Variants in HACL1 observed in about 807,000 individuals in gnomAD.
The protein encoded by HACL1 is 2-hydroxyacyl-CoA lyase 1.
HACL1 carries 64 observed loss-of-function variants against 74.2 expected under a neutral mutation model. That is an observed-to-expected ratio of 0.86 (90% CI 0.70 to 1.06). The LOEUF is 1.06. HACL1 is among the 50% of genes least tolerant of loss of function. The probability of loss-of-function intolerance (pLI) is 0.00; values close to 1 mark genes in which losing one functional copy is unlikely to be tolerated. For missense variants in HACL1, 728 were observed against 719.7 expected (o/e 1.01, Z -0.13); for synonymous variants, 230 against 238.8 (o/e 0.96, Z 0.34).
rs1029297790 is a variant in HACL1 at position 15,601,224 on chromosome 3, C to G, written c.82-30G>C. 2.6e-6 allele frequency: 4 copies of G among 1,567,016 alleles called. No homozygotes were observed. The African/African-American group carries it at 5.4e-5, about 21-fold the overall frequency. On this transcript the variant is annotated intron_variant, in intron 1 of 16. Transcript: ENST00000321169. ...GGAACGAAGAACAGGGGAGTAAACTCCCAAGGCCCCACCATATCGCCACAT... is the reference window on the plus strand; with the variant it reads ...GGAACGAAGAACAGGGGAGTAAACTGCCAAGGCCCCACCATATCGCCACAT...
At chr3:15,560,969 T>C in intron 16 of HACL1, 72 bp from the exon 17 acceptor site, 1 of 1,178,864 alleles carries the variant, frequency 8.5e-7, no homozygotes, top group Non-Finnish European at 1.3e-6. Context: ...ATTGTTTCAC[T>C]TGTTCTAAAA....
chr3:15,566,595 G>A (rs2063437444), intron 14 of HACL1, among the ~76,000 whole-genome samples: 1 of 152,092 alleles, frequency 6.6e-6, no homozygotes, highest in African/African-American at 2.4e-5. Flanking sequence ...GGTTGACGCT[G>A]CGGTGAGCCG....
chr3:15,568,620 T>A (rs1171283495), intron 12 of HACL1, 34 bp from the exon 13 acceptor site: 1 of 1,212,486 alleles, frequency 8.2e-7, no homozygotes, highest in African/African-American at 1.5e-5. Flanking sequence ...TCAAATTAAA[T>A]TGGGATACAA....
intron 3 of HACL1, among the ~76,000 whole-genome samples, chr3:15,592,458 G>C (rs1333863371): frequency 9.2e-6 from 1 of 108,870 alleles, no homozygotes; most frequent in Admixed American, 9.7e-5. Flanking sequence ...ATACACACAC[G>C]TATACATACA....
Position 15,589,620 on chromosome 3 carries a change from A to C in HACL1, c.309-8T>G, listed in dbSNP as rs1191506563. ...CCAATCACAAGCAAGGGCCTGAAAC[A>C]ATCATTTTTTTAACAAGATAATTAC... On this transcript the variant is annotated splice_polypyrimidine_tract_variant and splice_region_variant and intron_variant, in intron 4 of 16. Coordinates refer to ENST00000321169, the MANE Select transcript of HACL1 (RefSeq NM_012260.4). The C allele has an allele frequency of 1.9e-6, 3 of 1,578,106 alleles. No homozygotes were observed. Among genetic ancestry groups the C allele is most frequent in the Admixed American group, 3.4e-5 (2 of 58,882 alleles).
intron 5 of HACL1, among the ~76,000 whole-genome samples, chr3:15,588,493 T>A (rs2063830626): frequency 6.6e-6 from 1 of 151,828 alleles, no homozygotes; most frequent in Non-Finnish European, 1.5e-5. Context: ...CTTAGGAGGC[T>A]GAGGTGGGAG....
chr3:15,579,792 G>A, intron 9 of HACL1, 118 bp downstream of exon 9: 2 of 708,568 alleles, frequency 2.8e-6, no homozygotes, highest in East Asian at 2.7e-5. Flanking sequence ...AAATAAACAG[G>A]TATGCTTAAA....
chr3:15,575,122 T>C (rs2063601162), intron 9 of HACL1, 40 bp from the exon 10 acceptor site: 1 of 999,720 alleles, frequency 1.0e-6, no homozygotes, highest in Non-Finnish European at 1.6e-6. Flanking sequence ...CTACATTTCT[T>C]ATTTGAATTA....
chr3:15,591,096 A>T (rs1413466218), intron 4 of HACL1, among the ~76,000 whole-genome samples: 2 of 152,316 alleles, frequency 1.3e-5, no homozygotes, highest in East Asian at 3.9e-4. Context: ...GAAAGTGTTT[A>T]TCTCTAAGTA....
intron 3 of HACL1, among the ~76,000 whole-genome samples, chr3:15,594,297 T>C (rs1181488024): frequency 6.6e-6 from 1 of 152,068 alleles, no homozygotes; most frequent in African/African-American, 2.4e-5. Flanking sequence ...TGCCAGCTAC[T>C]TGGGAGGCTG....
At chr3:15,597,294 C>T (rs1191296608) in intron 2 of HACL1, among the ~76,000 whole-genome samples, 1 of 152,058 alleles carries the variant, frequency 6.6e-6, no homozygotes, top group Non-Finnish European at 1.5e-5. Flanking sequence ...ACTTTACTTC[C>T]ACATGGTCAG....
intron 14 of HACL1, 76 bp downstream of exon 14, chr3:15,567,768 G>A (rs1201801297): frequency 7.5e-7 from 1 of 1,337,624 alleles, no homozygotes; most frequent in Non-Finnish European, 1.1e-6. Context: ...ATAAGTATTT[G>A]TCAGGTGACT....
In HACL1 at chr3:15,560,800, T is replaced by C. The variant is rs2063333927; in HGVS notation, c.*65A>G. Reference sequence around the variant, plus strand: ...AATTTTAACAGTAGAGTAATTTTGCTGTGGAAAATAAAATTTCATCTTGCA... The same window carrying C: ...AATTTTAACAGTAGAGTAATTTTGCCGTGGAAAATAAAATTTCATCTTGCA... On this transcript the variant is annotated 3_prime_UTR_variant, in exon 17 of 17. Coordinates refer to ENST00000321169, the MANE Select transcript of HACL1 (RefSeq NM_012260.4). 9.4e-7 allele frequency: 1 copy of C among 1,059,552 alleles called. No homozygotes were observed. Among genetic ancestry groups the C allele is most frequent in the Admixed American group, 1.9e-5 (1 of 52,750 alleles). The allele number at this position is 1,059,552 out of a possible 1,614,324, so 65.6% of individuals were successfully genotyped here.
At chr3:15,592,218 A>G (rs1207570230) in intron 3 of HACL1, among the ~76,000 whole-genome samples, 2 of 150,532 alleles carry the variant, frequency 1.3e-5, no homozygotes, top group African/African-American at 4.9e-5. Context: ...GCGTGTATAT[A>G]TGTATACATA....
Position 15,567,908 on chromosome 3 carries a change from TC to T in HACL1, c.1344del (p.Trp448Ter), listed in dbSNP as rs746103861. The T allele has an allele frequency of 6.2e-7, 1 of 1,614,112 alleles. No homozygotes were observed. Among genetic ancestry groups the T allele is most frequent in the Non-Finnish European group, 8.5e-7 (1 of 1,179,914 alleles). ...VVAKDRSPGQ[W>X]IICVEGDSAF... ...GCACTGTCTCCTTCCACACAGATGA[TC>T]CATTGCCCAGGGCTTCTATCTTTAG... On this transcript the variant is annotated frameshift_variant, in exon 14 of 17. Coordinates refer to ENST00000321169, the MANE Select transcript of HACL1 (RefSeq NM_012260.4). LOFTEE classifies it high-confidence loss of function.
At chr3:15,570,230 G>A (rs1160218247) in intron 12 of HACL1, among the ~76,000 whole-genome samples, 1 of 151,710 alleles carries the variant, frequency 6.6e-6, no homozygotes, top group African/African-American at 2.4e-5. Flanking sequence ...AGCTACTTGG[G>A]AGGCTGATGC....
intron 2 of HACL1, among the ~76,000 whole-genome samples, chr3:15,597,565 C>A (rs1447854526): frequency 6.7e-6 from 1 of 149,398 alleles, no homozygotes; most frequent in African/African-American, 2.6e-5. Context: ...TATTTCCTAG[C>A]CTTCATTCAG....
chr3:15,592,509 T>C lies in HACL1; in HGVS notation c.228-829A>G, dbSNP rs540782655. ...ACTTGTATACATATACACTTGTATATACACTTGTATACATATACACATGTA... is the reference window on the plus strand; with the variant it reads ...ACTTGTATACATATACACTTGTATACACACTTGTATACATATACACATGTA... On this transcript the variant is annotated intron_variant, in intron 3 of 16. Transcript: ENST00000321169. Among the ~76,000 whole-genome samples the C allele has an allele frequency of 3.8e-4, 55 of 144,210 alleles. 3 individuals are homozygous for C. Among genetic ancestry groups the C allele is most frequent in the African/African-American group, 1.1e-3 (38 of 35,082 alleles). The allele number at this position is 144,210 out of a possible 152,430, so 94.6% of individuals were successfully genotyped here.
chr3:15,595,835 T>G (rs1217915292), intron 3 of HACL1: 1 of 152,210 alleles, frequency 6.6e-6, no homozygotes. Context: ...GGTCTCAAAC[T>G]CCTGACCTCA....
Sources: allele counts gnomAD v4.1 joint callset (sites outside exome capture counted in the v4.1 genomes callset), GRCh38; gene constraint gnomAD v4.1.1; transcripts MANE v1.5; gene names NCBI Gene and HGNC (gene_info 2026-07-23, HGNC 2026-07-21).